HERC2: variants seen among roughly 807,000 people sequenced by gnomAD.
HERC2 encodes the protein E3 ubiquitin-protein ligase HERC2.
Under a neutral mutation model 537.7 loss-of-function variants are expected in HERC2, and 102 were observed. The observed-to-expected ratio is 0.19, with a 90% CI of 0.16 to 0.22. The LOEUF (loss-of-function observed/expected upper bound fraction) is 0.22. Ranked by LOEUF, HERC2 falls within the 10% of genes least tolerant of loss-of-function variation. The pLI is 1.00. For missense variants in HERC2, 4,236 were observed against 6,198.2 expected (o/e 0.68, Z 10.63); for synonymous variants, 2,224 against 2,466.2 (o/e 0.90, Z 2.91).
intron 70 of HERC2, among the ~76,000 whole-genome samples, chr15:28,150,473 A>G (rs1892326130): frequency 6.6e-6 from 1 of 151,998 alleles, no homozygotes; most frequent in South Asian, 2.1e-4. Flanking sequence ...TAGTGAAATT[A>G]CCAAAAAAAC....
intron 52 of HERC2, among the ~76,000 whole-genome samples, chr15:28,195,584 A>T (rs2140297999): frequency 6.6e-6 from 1 of 152,288 alleles, no homozygotes; most frequent in Middle Eastern, 3.4e-3. Context: ...ACAAAAGGAT[A>T]AATCTTATAT....
intron 88 of HERC2, 120 bp downstream of exon 88, chr15:28,116,545 T>C: frequency 9.2e-7 from 1 of 1,088,844 alleles, no homozygotes; most frequent in African/African-American, 1.6e-5. Context: ...GGTAACAGTC[T>C]CAAAAACTAA....
intron 5 of HERC2, among the ~76,000 whole-genome samples, chr15:28,279,615 C>CCACA (rs58447102): frequency 0.014 from 1,999 of 141,658 alleles, 45 homozygotes; most frequent in African/African-American, 0.042. Flanking sequence ...GACCCCATCT[C>CCACA]CACACACACA....
intron 35 of HERC2, among the ~76,000 whole-genome samples, chr15:28,223,501 A>G (rs1169024304): frequency 2.6e-5 from 4 of 152,134 alleles, no homozygotes. Flanking sequence ...CCTTTAGCCT[A>G]GCCGCTACTT....
intron 56 of HERC2, among the ~76,000 whole-genome samples, chr15:28,184,378 A>G (rs1896104689): frequency 6.6e-6 from 1 of 152,160 alleles, no homozygotes; most frequent in Non-Finnish European, 1.5e-5. Flanking sequence ...GCAGCCCTGT[A>G]GGAGGAGACT....
chr15:28,287,719 CTTT>C (rs766216433), intron 4 of HERC2, among the ~76,000 whole-genome samples: 28 of 124,786 alleles, frequency 2.2e-4, no homozygotes, highest in African/African-American at 9.6e-4. Flanking sequence ...ACTTATTCCT[CTTT>C]TTTTTTTTTT....
intron 4 of HERC2, among the ~76,000 whole-genome samples, chr15:28,286,638 C>G (rs1198555884): frequency 2.0e-5 from 3 of 152,104 alleles, no homozygotes; most frequent in Non-Finnish European, 4.4e-5. Flanking sequence ...TTTACAACAC[C>G]TTAAGCTAAA....
intron 2 of HERC2, among the ~76,000 whole-genome samples, chr15:28,299,773 C>G (rs1429137202): frequency 6.6e-6 from 1 of 152,148 alleles, no homozygotes; most frequent in African/African-American, 2.4e-5. Context: ...GACACGTGGT[C>G]GGGCGAGGTG....
intron 48 of HERC2, 95 bp from the exon 49 acceptor site, chr15:28,198,864 C>T: frequency 1.7e-6 from 2 of 1,209,922 alleles, no homozygotes; most frequent in Non-Finnish European, 2.3e-6. Flanking sequence ...ATAAAGAATT[C>T]TGACTGGGCA....
At chr15:28,240,218 A>T (rs1902932625) in intron 23 of HERC2, among the ~76,000 whole-genome samples, 1 of 152,226 alleles carries the variant, frequency 6.6e-6, no homozygotes, top group Non-Finnish European at 1.5e-5. Flanking sequence ...GGAGATGGAG[A>T]CCATCCTGGC....
chr15:28,277,465 A>AT (rs2075905458), intron 5 of HERC2, among the ~76,000 whole-genome samples: 1 of 138,738 alleles, frequency 7.2e-6, no homozygotes, highest in Admixed American at 6.9e-5. Flanking sequence ...CAATTATCTA[A>AT]AAAAAAAAAA....
chr15:28,258,611 C>T (rs2075331864), intron 16 of HERC2, among the ~76,000 whole-genome samples: 1 of 148,264 alleles, frequency 6.7e-6, no homozygotes, highest in African/African-American at 2.6e-5. Context: ...AAATTTATAG[C>T]ATCAAATCAT....
intron 4 of HERC2, 26 bp downstream of exon 4, chr15:28,292,862 C>T: frequency 6.2e-7 from 1 of 1,604,322 alleles, no homozygotes; most frequent in Non-Finnish European, 8.5e-7. Flanking sequence ...TCAACCTTTC[C>T]AAAGTGCCAA....
chr15:28,182,332 T>C (rs896463160), intron 57 of HERC2, 69 bp downstream of exon 57: 4 of 944,224 alleles, frequency 4.2e-6, no homozygotes, highest in Admixed American at 1.8e-5. Context: ...AAAGTTATTA[T>C]AGAAACTTCA....
chr15:28,189,840 A>T (rs964403520), intron 55 of HERC2, among the ~76,000 whole-genome samples: 1 of 152,326 alleles, frequency 6.6e-6, no homozygotes, highest in South Asian at 2.1e-4. Context: ...AAACTTTTTT[A>T]AAAAATGAAT....
intron 69 of HERC2, among the ~76,000 whole-genome samples, chr15:28,159,914 T>G (rs552382871): frequency 1.9e-4 from 29 of 152,366 alleles, no homozygotes; most frequent in Non-Finnish European, 3.8e-4. Flanking sequence ...GGTTTTGGTG[T>G]AGATGTCCTT....
chr15:28,224,507 T>C (rs1038314799), intron 35 of HERC2, among the ~76,000 whole-genome samples: 13 of 152,174 alleles, frequency 8.5e-5, no homozygotes, highest in African/African-American at 2.2e-4. Context: ...CAGCCTGGCC[T>C]GATACATATT....
chr15:28,183,261 A>G (rs906700955), intron 56 of HERC2, among the ~76,000 whole-genome samples: 2 of 152,154 alleles, frequency 1.3e-5, no homozygotes, highest in Non-Finnish European at 2.9e-5. Context: ...TCAGGCTGGA[A>G]TACAGTGGCA....
intron 5 of HERC2, among the ~76,000 whole-genome samples, chr15:28,276,367 G>A (rs1250060871): frequency 6.6e-6 from 1 of 152,104 alleles, no homozygotes; most frequent in Admixed American, 6.5e-5. Context: ...AAGAACCTCT[G>A]AGAAGGGCAC....
Sources: gnomAD v4.1 joint callset for allele counts (sites outside exome capture counted in the v4.1 genomes callset) on GRCh38, gnomAD v4.1.1 for gene constraint, MANE v1.5 for transcripts, NCBI Gene and HGNC (gene_info 2026-07-23, HGNC 2026-07-21) for gene names.